The following TENM1 variants were observed in gnomAD, a reference collection of about 807,000 sequenced individuals.
TENM1 encodes the protein teneurin-1.
A neutral mutation model predicts 174.8 loss-of-function variants in TENM1; 35 were observed. That is an observed-to-expected ratio of 0.20 (90% CI 0.15 to 0.27). The LOEUF (loss-of-function observed/expected upper bound fraction) is 0.27. Among genes scored for constraint, TENM1 ranks in the 10% least tolerant of loss-of-function variants. The pLI is 1.00. For missense variants in TENM1, 1,633 were observed against 2,130.1 expected (o/e 0.77, Z 4.59); for synonymous variants, 781 against 798.7 (o/e 0.98, Z 0.37).
At chrX:124,505,779 T>C (rs1292765564) in intron 18 of TENM1, among the ~76,000 whole-genome samples, 2 of 111,707 alleles carry the variant, frequency 1.8e-5, no homozygotes, top group Non-Finnish European at 3.8e-5. Flanking sequence ...TATATAACTC[T>C]AGGGAGTTCA....
intron 14 of TENM1, among the ~76,000 whole-genome samples, chrX:124,560,822 A>C (rs1177897273): frequency 8.9e-6 from 1 of 111,929 alleles, no homozygotes; most frequent in African/African-American, 3.2e-5. Flanking sequence ...AAATTCAAAC[A>C]AAATTTTTTG....
At chrX:124,439,257 G>T (rs186900253) in intron 23 of TENM1, among the ~76,000 whole-genome samples, 2,132 of 110,906 alleles carry the variant, frequency 0.019, 32 homozygotes, top group Non-Finnish European at 0.031. Flanking sequence ...TTATTTTTTT[G>T]TGTGTGTGAA....
the TENM1 span, among the ~76,000 whole-genome samples, chrX:125,004,325 T>A: frequency 1.8e-5 from 2 of 111,748 alleles, no homozygotes; most frequent in East Asian, 2.8e-4. Flanking sequence ...GCTTTGGGAA[T>A]TACTATGTCA....
intron 1 of TENM1, among the ~76,000 whole-genome samples, chrX:124,954,971 A>G (rs2058548253): frequency 9.0e-6 from 1 of 111,723 alleles, no homozygotes; most frequent in Non-Finnish European, 1.9e-5. Context: ...CAAGTCATAA[A>G]CTACTTTAAC....
chrX:124,563,359 CAAATTATTTAATAATTATTAAATTATTAA>C (rs1156475694), intron 13 of TENM1, among the ~76,000 whole-genome samples: 3,327 of 105,823 alleles, frequency 0.031, 158 homozygotes, highest in African/African-American at 0.1. Context: ...TCTTCTGAAC[CAAATTATTTAATAATTATTAAATTATTAA>C]AAATTATTTA....
the TENM1 span, among the ~76,000 whole-genome samples, chrX:124,974,416 T>C: frequency 3.6e-5 from 4 of 111,990 alleles, no homozygotes; most frequent in Non-Finnish European, 7.5e-5. Context: ...AATGGAATAA[T>C]AAAAGGTCCA....
In TENM1 at chrX:124,385,607, T is replaced by C. The variant is rs16999161; in HGVS notation, c.6076+70A>G. On this transcript the variant is annotated intron_variant, in intron 29 of 31. Transcript: ENST00000422452. ...GTAGATTAATGCTTCTATCTCACAC[T>C]GTGGTCAGTAAAAATGTCATAAGAA... is the stretch of plus-strand genomic sequence containing the variant. 33,133 of 1,028,163 alleles carry C rather than the reference T, an allele frequency of 0.032. 606 individuals carry two copies. Among genetic ancestry groups the C allele is most frequent in the African/African-American group, 0.12 (6,225 of 53,069 alleles). 84.7% of individuals were successfully genotyped at this position (1,028,163 alleles called of 1,213,427 possible). A position where few individuals can be genotyped will look rare whatever the true frequency, so the allele number is the denominator to read the frequency against.
chrX:124,976,905 G>A, the TENM1 span, among the ~76,000 whole-genome samples: 1 of 112,223 alleles, frequency 8.9e-6, no homozygotes, highest in South Asian at 3.7e-4. Context: ...CAAATATTCA[G>A]GAAGAACATA....
chrX:124,819,511 AG>A (rs1315225505), intron 3 of TENM1, among the ~76,000 whole-genome samples: 2 of 110,911 alleles, frequency 1.8e-5, no homozygotes, highest in Admixed American at 1.9e-4. Flanking sequence ...TGACATCTAC[AG>A]TCTTAAACTC....
chrX:125,075,380 C>T, the TENM1 span, among the ~76,000 whole-genome samples: 24 of 111,307 alleles, frequency 2.2e-4, no homozygotes, highest in Non-Finnish European at 1.5e-4. Context: ...TTTGTTTATC[C>T]GTCCATCAGT....
At chrX:124,537,771 T>C (rs2048236220) in intron 15 of TENM1, among the ~76,000 whole-genome samples, 1 of 112,092 alleles carries the variant, frequency 8.9e-6, no homozygotes, top group Non-Finnish European at 1.9e-5. Flanking sequence ...AGAGAGTCAT[T>C]ACAAGCAAAT....
In TENM1 at chrX:124,925,715, G is replaced by A. The variant is rs923421292; in HGVS notation, c.218-29474C>T. 2.7e-5 allele frequency among the ~76,000 whole-genome samples: 3 copies of A among 112,458 alleles called. No individual in the cohort carries two copies. In the Admixed American group the frequency reaches 2.8e-4, roughly 11 times the overall value. ...AGTTACAAGGCTTATAACTGAGCCCGAATGTTCAGCATTGAATCAAAACTT... is the reference window on the plus strand; with the variant it reads ...AGTTACAAGGCTTATAACTGAGCCCAAATGTTCAGCATTGAATCAAAACTT... On this transcript the variant is annotated intron_variant, in intron 1 of 31. Transcript: ENST00000422452.
chrX:124,809,090 C>T (rs1431837554), intron 3 of TENM1, among the ~76,000 whole-genome samples: 1 of 110,630 alleles, frequency 9.0e-6, no homozygotes, highest in Non-Finnish European at 1.9e-5. Flanking sequence ...TGAGAGAAGA[C>T]TCAAACGAAA....
chrX:124,886,542 TATATATAGAG>T (rs1173236986), intron 3 of TENM1, among the ~76,000 whole-genome samples: 161 of 88,654 alleles, frequency 1.8e-3, no homozygotes, highest in African/African-American at 6.7e-3. Context: ...TATATATATA[TATATATAGAG>T]AGAGAGAGAG....
intron 11 of TENM1, among the ~76,000 whole-genome samples, chrX:124,609,193 T>C (rs1052998434): frequency 1.3e-4 from 14 of 111,650 alleles, no homozygotes; most frequent in Admixed American, 7.6e-4. Flanking sequence ...CTAAGGGCCA[T>C]AGATCGTACA....
intron 3 of TENM1, among the ~76,000 whole-genome samples, chrX:124,776,725 A>C (rs1228399346): frequency 9.0e-6 from 1 of 111,299 alleles, no homozygotes; most frequent in African/African-American, 3.3e-5. Flanking sequence ...GATAGCAAAA[A>C]AGCATAATAA....
chrX:124,731,432 T>C (rs1476154253), intron 4 of TENM1, among the ~76,000 whole-genome samples: 1 of 111,919 alleles, frequency 8.9e-6, no homozygotes, highest in Non-Finnish European at 1.9e-5. Flanking sequence ...GAATTAAAAT[T>C]CTATCCCAGA....
chrX:124,529,745 T>G, intron 16 of TENM1, 119 bp downstream of exon 19: 3 of 943,985 alleles, frequency 3.2e-6, no homozygotes, highest in Non-Finnish European at 4.4e-6. Flanking sequence ...AATGACTTTT[T>G]GAGATATAAC....
At chrX:124,468,386 C>A (rs776373324) in intron 22 of TENM1, among the ~76,000 whole-genome samples, 1 of 111,447 alleles carries the variant, frequency 9.0e-6, no homozygotes, top group Non-Finnish European at 1.9e-5. Flanking sequence ...TCATGTTGGC[C>A]AGGCTGGTCT....
Sources: gnomAD v4.1 joint callset for allele counts (sites outside exome capture counted in the v4.1 genomes callset) on GRCh38, gnomAD v4.1.1 for gene constraint, MANE v1.5 for transcripts, NCBI Gene and HGNC (gene_info 2026-07-23, HGNC 2026-07-21) for gene names.